Variants in EFL1 observed in about 807,000 individuals in gnomAD.
EFL1 encodes elongation factor like GTPase 1.
In EFL1, 76 loss-of-function variants were observed where a neutral mutation model predicts 126.7. The ratio of observed to expected loss-of-function variants is 0.60; its 90% CI spans 0.50 to 0.73. EFL1 has a LOEUF of 0.73. Among genes scored for constraint, EFL1 ranks in the 30% least tolerant of loss-of-function variants. EFL1 has a pLI of 0.00. For missense variants in EFL1, 1,128 were observed against 1,343.2 expected, an observed-to-expected ratio of 0.84 and a Z score of 2.50; for synonymous variants, 410 against 448.4, an observed-to-expected ratio of 0.91 and a Z score of 1.08.
chr15:82,193,710 T>C (rs1254819514), intron 15 of EFL1, among the ~76,000 whole-genome samples: 11 of 152,088 alleles, frequency 7.2e-5, no homozygotes, highest in Non-Finnish European at 1.0e-4. Flanking sequence ...CGTAAGTGAT[T>C]GACTGTTAGG....
intron 16 of EFL1, among the ~76,000 whole-genome samples, chr15:82,163,629 G>T (rs918240078): frequency 1.3e-5 from 2 of 152,140 alleles, no homozygotes; most frequent in Non-Finnish European, 2.9e-5. Context: ...CCTTGTCTTT[G>T]CCATCAAGAA....
Position 82,130,318 on chromosome 15 carries a change from C to A in EFL1, c.*55G>T. ...AAAGAAATTTTCCCAATATTAAACC[C>A]TTGATGATACTTTTAAATTCACTAT... On this transcript the variant is annotated 3_prime_UTR_variant, in exon 20 of 20. Transcript: ENST00000268206. 1.9e-6 allele frequency: 3 copies of A among 1,573,090 alleles called. No homozygotes were observed. The highest frequency in any genetic ancestry group is 1.2e-5 in the South Asian group (1 of 83,838).
chr15:82,210,067 T>C (rs1213700398), intron 15 of EFL1, among the ~76,000 whole-genome samples: 1 of 152,224 alleles, frequency 6.6e-6, no homozygotes, highest in Admixed American at 6.5e-5. Context: ...TTTCTCAAAG[T>C]TTAACAAAAG....
chr15:82,217,999 G>A (rs2074669345), intron 14 of EFL1, among the ~76,000 whole-genome samples: 1 of 152,216 alleles, frequency 6.6e-6, no homozygotes, highest in African/African-American at 2.4e-5. Context: ...AGTACTGCAG[G>A]TGCAAATATA....
chr15:82,215,338 G>C (rs1171283786), intron 14 of EFL1, among the ~76,000 whole-genome samples: 2 of 151,976 alleles, frequency 1.3e-5, no homozygotes, highest in African/African-American at 2.4e-5. Flanking sequence ...AGGGTAGTTA[G>C]ATGTGATAAA....
Position 82,140,620 on chromosome 15 carries a change from C to T in EFL1, c.2990-1778G>A, listed in dbSNP as rs540946873. ...GGGACTCCTAAGGCCATCTCTAAGC[C>T]AGGCCTCTCCTTGGATCTCCAATAC... On this transcript the variant is annotated intron_variant, in intron 18 of 19. Coordinates refer to ENST00000268206, the MANE Select transcript of EFL1 (RefSeq NM_024580.6). 4.6e-5 allele frequency among the ~76,000 whole-genome samples: 7 copies of T among 152,282 alleles called. No homozygotes were observed. In the East Asian group the frequency reaches 1.2e-3, roughly 25 times the overall value.
intron 16 of EFL1, among the ~76,000 whole-genome samples, chr15:82,160,737 A>C (rs2074014729): frequency 6.6e-6 from 1 of 152,200 alleles, no homozygotes; most frequent in African/African-American, 2.4e-5. Context: ...GATTCCCACA[A>C]GTGAAGATCC....
At chr15:82,130,619 T>A in intron 19 of EFL1, 58 bp from the exon 20 acceptor site, 1 of 1,559,670 alleles carries the variant, frequency 6.4e-7, no homozygotes, top group South Asian at 1.2e-5. Context: ...TCAAACCTTA[T>A]TCACTGAGCT....
At chr15:82,162,084 T>G (rs973265412) in intron 16 of EFL1, among the ~76,000 whole-genome samples, 1 of 152,088 alleles carries the variant, frequency 6.6e-6, no homozygotes, top group Non-Finnish European at 1.5e-5. Flanking sequence ...TTAGGACCAG[T>G]CTGGGTGACA....
intron 15 of EFL1, among the ~76,000 whole-genome samples, chr15:82,211,745 G>A (rs988572284): frequency 1.3e-5 from 2 of 151,952 alleles, no homozygotes; most frequent in African/African-American, 4.8e-5. Flanking sequence ...TTTTAATCAA[G>A]GAACAAGTAA....
chr15:82,165,042 C>T (rs1403512336), intron 15 of EFL1, among the ~76,000 whole-genome samples: 2 of 152,026 alleles, frequency 1.3e-5, no homozygotes, highest in Non-Finnish European at 2.9e-5. Flanking sequence ...TTTGGGAAGT[C>T]AAGGAGGATC....
chr15:82,219,353 A>G (rs1397636497), intron 14 of EFL1, among the ~76,000 whole-genome samples: 1 of 152,202 alleles, frequency 6.6e-6, no homozygotes, highest in African/African-American at 2.4e-5. Flanking sequence ...CCAGCATGAC[A>G]TCTGCTCTTA....
At chr15:82,194,941 A>G (rs1043582555) in intron 15 of EFL1, among the ~76,000 whole-genome samples, 4 of 152,246 alleles carry the variant, frequency 2.6e-5, no homozygotes, top group East Asian at 3.8e-4. Context: ...TGGATCTGCT[A>G]TATTTTAAAA....
intron 18 of EFL1, among the ~76,000 whole-genome samples, chr15:82,141,798 C>A (rs547609362): frequency 9.9e-5 from 15 of 151,872 alleles, no homozygotes; most frequent in African/African-American, 3.6e-4. Context: ...AAACAGACCA[C>A]GAATAAGGGG....
chr15:82,256,086 C>A (rs1567081553), intron 3 of EFL1, among the ~76,000 whole-genome samples: 2 of 152,036 alleles, frequency 1.3e-5, no homozygotes, highest in East Asian at 3.9e-4. Flanking sequence ...TTTAAGTTTT[C>A]TCCAATATCT....
chr15:82,208,839 G>A (rs1431975130), intron 15 of EFL1, among the ~76,000 whole-genome samples: 8 of 151,532 alleles, frequency 5.3e-5, no homozygotes, highest in Non-Finnish European at 1.2e-4. Flanking sequence ...ACCATGAATC[G>A]ACAGGCATCA....
intron 15 of EFL1, among the ~76,000 whole-genome samples, chr15:82,211,832 G>GGGTTATCAA (rs1341822908): frequency 1.3e-5 from 2 of 152,116 alleles, no homozygotes. Context: ...CCATTAAAAT[G>GGGTTATCAA]GGTTATCAAT....
chr15:82,262,371 TA>T (rs1169770888), intron 1 of EFL1: 1 of 157,184 alleles, frequency 6.4e-6, no homozygotes, highest in Non-Finnish European at 1.4e-5. Context: ...GAAAAACCTC[TA>T]CACTACATGC....
At chr15:82,220,279 G>A in intron 12 of EFL1, 50 bp from the exon 13 acceptor site, 1 of 1,524,272 alleles carries the variant, frequency 6.6e-7, no homozygotes, top group Non-Finnish European at 8.8e-7. Flanking sequence ...TCCAAGTAGG[G>A]AAACAGCAAG....
Sources: allele counts gnomAD v4.1 joint callset (sites outside exome capture counted in the v4.1 genomes callset), GRCh38; gene constraint gnomAD v4.1.1; transcripts MANE v1.5; gene names NCBI Gene and HGNC (gene_info 2026-07-23, HGNC 2026-07-21).